Variants in CHSY3 observed in about 807,000 individuals in gnomAD.
CHSY3 encodes chondroitin sulfate synthase 3.
A neutral mutation model predicts 67.2 loss-of-function variants in CHSY3; 35 were observed. That is an observed-to-expected ratio of 0.52 (90% CI 0.40 to 0.69). The LOEUF (loss-of-function observed/expected upper bound fraction) is 0.69, where lower values mean the gene tolerates loss of function less well. Among genes scored for constraint, CHSY3 ranks in the 30% least tolerant of loss-of-function variants. The pLI is 0.00. For synonymous variants in CHSY3, 474 were observed against 434.7 expected, an observed-to-expected ratio of 1.09 and a Z score of -1.12; for missense variants, 1,069 against 1,138.5, an observed-to-expected ratio of 0.94 and a Z score of 0.88.
chr5:130,118,582 T>C (rs987055913), intron 2 of CHSY3, among the ~76,000 whole-genome samples: 2 of 152,126 alleles, frequency 1.3e-5, no homozygotes, highest in Non-Finnish European at 2.9e-5. Flanking sequence ...CCTTAGGCTA[T>C]TTTTCTGTAT....
chr5:129,931,530 T>A (rs546038144), intron 2 of CHSY3, among the ~76,000 whole-genome samples: 6 of 152,182 alleles, frequency 3.9e-5, no homozygotes, highest in Non-Finnish European at 8.8e-5. Flanking sequence ...TGGCAGTTAA[T>A]AATGTATTTT....
intron 2 of CHSY3, among the ~76,000 whole-genome samples, chr5:130,144,529 C>A (rs939651880): frequency 1.3e-5 from 2 of 151,800 alleles, no homozygotes; most frequent in Non-Finnish European, 2.9e-5. Flanking sequence ...GGAAAGAAAC[C>A]CCATGTTCAT....
chr5:130,124,987 A>T (rs1442335952), intron 2 of CHSY3, among the ~76,000 whole-genome samples: 1 of 152,202 alleles, frequency 6.6e-6, no homozygotes, highest in African/African-American at 2.4e-5. Context: ...CTTGTTAAAA[A>T]CTAGATGTAT....
chr5:129,957,591 AT>A (rs955741274), intron 2 of CHSY3, among the ~76,000 whole-genome samples: 1 of 152,164 alleles, frequency 6.6e-6, no homozygotes, highest in Non-Finnish European at 1.5e-5. Context: ...TTAGCATAGA[AT>A]TTTAGGTTCA....
chr5:130,023,134 A>G (rs571906292), intron 2 of CHSY3, among the ~76,000 whole-genome samples: 1 of 152,132 alleles, frequency 6.6e-6, no homozygotes, highest in African/African-American at 2.4e-5. Context: ...ACTCTTAGAT[A>G]ATGAAACCTT....
At chr5:130,099,461 T>C (rs1441909834) in intron 2 of CHSY3, among the ~76,000 whole-genome samples, 2 of 152,222 alleles carry the variant, frequency 1.3e-5, no homozygotes, top group African/African-American at 4.8e-5. Context: ...TCTTATATAA[T>C]TCTCAAAAAT....
At chr5:129,926,045 T>C (rs1308720973) in intron 2 of CHSY3, among the ~76,000 whole-genome samples, 1 of 152,024 alleles carries the variant, frequency 6.6e-6, no homozygotes. Context: ...AAATTTGAGT[T>C]TCTGTGTATT....
At chr5:130,148,483 A>G (rs1268215449) in intron 2 of CHSY3, among the ~76,000 whole-genome samples, 2 of 152,136 alleles carry the variant, frequency 1.3e-5, no homozygotes, top group Admixed American at 6.5e-5. Flanking sequence ...TGTTTTCCAC[A>G]ATGGTTAAAG....
intron 2 of CHSY3, among the ~76,000 whole-genome samples, chr5:130,125,472 T>C (rs1465332399): frequency 2.3e-5 from 3 of 130,834 alleles, no homozygotes; most frequent in Middle Eastern, 8.1e-3. Flanking sequence ...GACAGACAGA[T>C]GGATTTAATA....
intron 2 of CHSY3, among the ~76,000 whole-genome samples, chr5:129,938,380 AT>A (rs1166122645): frequency 2.0e-5 from 3 of 152,226 alleles, no homozygotes; most frequent in South Asian, 4.1e-4. Context: ...ATGTTTACTT[AT>A]GCAAATTTCT....
intron 2 of CHSY3, among the ~76,000 whole-genome samples, chr5:130,047,371 A>G (rs1364130680): frequency 1.3e-5 from 2 of 152,056 alleles, no homozygotes; most frequent in Non-Finnish European, 2.9e-5. Context: ...TGACCTCTCA[A>G]TATGTTATCA....
chr5:130,020,848 G>A (rs1764370159), intron 2 of CHSY3, among the ~76,000 whole-genome samples: 1 of 152,086 alleles, frequency 6.6e-6, no homozygotes, highest in Non-Finnish European at 1.5e-5. Flanking sequence ...CTGGGCTCAT[G>A]CTTGTCCTTG....
At chr5:130,052,368 T>G (rs1485395180) in intron 2 of CHSY3, among the ~76,000 whole-genome samples, 1 of 152,170 alleles carries the variant, frequency 6.6e-6, no homozygotes, top group African/African-American at 2.4e-5. Context: ...TGTGATCAGG[T>G]ACCTTCTCTC....
At chr5:129,922,990 C>A (rs564940094) in intron 2 of CHSY3, among the ~76,000 whole-genome samples, 1 of 152,122 alleles carries the variant, frequency 6.6e-6, no homozygotes, top group African/African-American at 2.4e-5. Flanking sequence ...AGGTGAGCAC[C>A]GTGATCAGAT....
intron 2 of CHSY3, among the ~76,000 whole-genome samples, chr5:130,023,538 AAAC>A: frequency 6.6e-6 from 1 of 152,198 alleles, no homozygotes; most frequent in East Asian, 1.9e-4. Flanking sequence ...CAGCTATTTA[AAAC>A]TAATGTGTTT....
chr5:130,160,973 C>T (rs537168063), intron 2 of CHSY3, among the ~76,000 whole-genome samples: 10 of 149,740 alleles, frequency 6.7e-5, no homozygotes, highest in Non-Finnish European at 1.2e-4. Flanking sequence ...GGCGCGATCT[C>T]GGCTCACTGC....
At chr5:129,999,377 A>C (rs1763652431) in intron 2 of CHSY3, among the ~76,000 whole-genome samples, 1 of 152,008 alleles carries the variant, frequency 6.6e-6, no homozygotes, top group Non-Finnish European at 1.5e-5. Flanking sequence ...TATGCCAATT[A>C]AAATATCTAA....
At chr5:130,096,247 A>T (rs1363448076) in intron 2 of CHSY3, among the ~76,000 whole-genome samples, 1 of 152,172 alleles carries the variant, frequency 6.6e-6, no homozygotes, top group East Asian at 1.9e-4. Context: ...GCCTCAGCTC[A>T]CTGCAACCTC....
intron 2 of CHSY3, among the ~76,000 whole-genome samples, chr5:130,176,385 T>A (rs1770051751): frequency 6.6e-6 from 1 of 152,136 alleles, no homozygotes; most frequent in African/African-American, 2.4e-5. Context: ...GAAATAAGAA[T>A]GCTTTTACAC....
Sources: gnomAD v4.1 joint callset for allele counts (sites outside exome capture counted in the v4.1 genomes callset) on GRCh38, gnomAD v4.1.1 for gene constraint, MANE v1.5 for transcripts, NCBI Gene and HGNC (gene_info 2026-07-23, HGNC 2026-07-21) for gene names.